LRRC47: variants seen among roughly 807,000 people sequenced by gnomAD.
LRRC47 encodes leucine-rich repeat-containing protein 47.
Under a neutral mutation model 40.9 loss-of-function variants are expected in LRRC47, and 31 were observed. The observed-to-expected ratio is 0.76, with a 90% confidence interval of 0.57 to 1.02. LRRC47 has a LOEUF of 1.02. Among genes scored for constraint, LRRC47 ranks in the 50% least tolerant of loss-of-function variants. The probability of loss-of-function intolerance (pLI) is 0.00; values close to 1 mark genes in which losing one functional copy is unlikely to be tolerated. For synonymous variants in LRRC47, 427 were observed against 371.9 expected (o/e 1.15, Z -1.70); for missense variants, 726 against 796.1 (o/e 0.91, Z 1.06).
chr1:3,782,930 G>A (rs1643535128), intron 4 of LRRC47, 167 bp from the exon 5 acceptor site: 2 of 607,910 alleles, frequency 3.3e-6, no homozygotes, highest in Admixed American at 2.6e-5. Flanking sequence ...TCTACGCTAA[G>A]TCTGTCATCA....
At position 3,785,162 on chromosome 1, in the gene LRRC47, G is replaced by A. The variant is rs1338079841; in HGVS notation, c.1119C>T (p.Ala373=). 2 of 1,596,506 alleles carry A rather than the reference G, an allele frequency of 1.3e-6. No individual in the cohort carries two copies. The highest frequency in any genetic ancestry group is 2.3e-5 in the East Asian group (1 of 43,464). ...CACGGAGCTCGTGGGTGGCAAGGGT[G>A]GCAGCCGTCCTCTTCTCACAGAGAT... The part of the protein sequence containing the change: ...HEDLCEKRTA[A]TLATHELRAV... Residue 373 remains alanine (A), a synonymous_variant, in exon 3 of 7, where the codon GCC becomes GCT. Coordinates refer to ENST00000378251, the MANE Select transcript of LRRC47 (RefSeq NM_020710.3).
intron 1 of LRRC47, among the ~76,000 whole-genome samples, chr1:3,789,194 T>C (rs1255543920): frequency 6.6e-6 from 1 of 152,244 alleles, no homozygotes; most frequent in East Asian, 1.9e-4. Flanking sequence ...CTCAGCCTTC[T>C]AGAGCTCCTC....
intron 4 of LRRC47, 134 bp from the exon 5 acceptor site, chr1:3,782,897 G>C: frequency 6.0e-6 from 4 of 662,242 alleles, no homozygotes; most frequent in Non-Finnish European, 1.1e-5. Context: ...GAGTTGGCTG[G>C]GGTGTGCTGT....
chr1:3,788,489 G>A (rs1297323751), intron 1 of LRRC47, among the ~76,000 whole-genome samples: 1 of 152,174 alleles, frequency 6.6e-6, no homozygotes, highest in Non-Finnish European at 1.5e-5. Context: ...GGTAGGGCTG[G>A]ACTTGATAGA....
intron 1 of LRRC47, among the ~76,000 whole-genome samples, chr1:3,791,990 G>C (rs928002843): frequency 6.6e-6 from 1 of 152,164 alleles, no homozygotes; most frequent in Admixed American, 6.5e-5. Flanking sequence ...CTGGGCTCAA[G>C]TGATCCGCCC....
chr1:3,789,533 G>C (rs1643608322), intron 1 of LRRC47, among the ~76,000 whole-genome samples: 1 of 152,236 alleles, frequency 6.6e-6, no homozygotes, highest in Non-Finnish European at 1.5e-5. Flanking sequence ...GCCCAGAGCA[G>C]CCACAGCCAG....
At chr1:3,784,419 A>G (rs1191666008) in intron 3 of LRRC47, among the ~76,000 whole-genome samples, 2 of 152,238 alleles carry the variant, frequency 1.3e-5, no homozygotes, top group Non-Finnish European at 2.9e-5. Flanking sequence ...GAGGAGAGAA[A>G]GGCTGAGCAG....
At position 3,796,020 on chromosome 1, in the gene LRRC47, G is replaced by C. The variant is rs1220987606; in HGVS notation, c.457C>G (p.Pro153Ala). Residue 153 changes from proline to alanine, a missense_variant, in exon 1 of 7, where the codon CCG becomes GCG. Physicochemically the swap from Pro to Ala is conservative, Grantham distance 27. Coordinates refer to ENST00000378251, the MANE Select transcript of LRRC47 (RefSeq NM_020710.3). Reference protein sequence around the residue: ...ELPADLARCAPRLQSLNLTGN... With the variant: ...ELPADLARCAARLQSLNLTGN... Reference sequence around the variant, plus strand: ...GTGAGGTTGAGGCTCTGCAGGCGCGGGGCGCAGCGCGCCAGGTCGGCTGGC... The same window carrying C: ...GTGAGGTTGAGGCTCTGCAGGCGCGCGGCGCAGCGCGCCAGGTCGGCTGGC... The C allele has an allele frequency of 6.4e-7, 1 of 1,550,476 alleles. No homozygotes were observed. Among genetic ancestry groups the C allele is most frequent in the East Asian group, 2.4e-5 (1 of 41,206 alleles).
At chr1:3,787,959 A>G (rs983337676) in intron 1 of LRRC47, among the ~76,000 whole-genome samples, 20 of 152,338 alleles carry the variant, frequency 1.3e-4, no homozygotes, top group African/African-American at 4.3e-4. Flanking sequence ...CGTGTGCCAC[A>G]AAGATGCCCA....
At position 3,782,799 on chromosome 1, in the gene LRRC47, A is replaced by T. The variant is rs560993388; in HGVS notation, c.1311-36T>A. On this transcript the variant is annotated intron_variant, in intron 4 of 6. Transcript: ENST00000378251. Reference sequence around the variant, plus strand: ...AGAAATACAAATTCCAGGCATAATTATAAAAGAAACACTGTGCTGGGTGTG... The same window carrying T: ...AGAAATACAAATTCCAGGCATAATTTTAAAAGAAACACTGTGCTGGGTGTG... The T allele has an allele frequency of 8.6e-6, 11 of 1,276,832 alleles. No individual in the cohort carries two copies. In the East Asian group the frequency reaches 2.1e-4, roughly 24 times the overall value. 79.1% of individuals were successfully genotyped at this position (1,276,832 alleles called of 1,614,324 possible).
At chr1:3,791,239 C>T (rs1045377350) in intron 1 of LRRC47, among the ~76,000 whole-genome samples, 17 of 152,230 alleles carry the variant, frequency 1.1e-4, no homozygotes, top group African/African-American at 3.9e-4. Flanking sequence ...CAGCCCAGAG[C>T]GCAGAGCCGC....
chr1:3,795,249 C>T (rs138815966), intron 1 of LRRC47, among the ~76,000 whole-genome samples: 3 of 152,186 alleles, frequency 2.0e-5, no homozygotes, highest in Admixed American at 1.3e-4. Context: ...CTGTTATAGG[C>T]CAAGCATTAT....
At chr1:3,783,768 A>ACCT (rs1321086647) in intron 4 of LRRC47, 1 of 538,214 alleles carries the variant, frequency 1.9e-6, no homozygotes, top group African/African-American at 1.9e-5. Context: ...AATGGCCAAT[A>ACCT]CCTCCGCTCC....
At chr1:3,787,880 A>G (rs1167613320) in intron 1 of LRRC47, among the ~76,000 whole-genome samples, 1 of 152,234 alleles carries the variant, frequency 6.6e-6, no homozygotes, top group Non-Finnish European at 1.5e-5. Context: ...GGAAAGGGGA[A>G]AGCCGACTTC....
At chr1:3,791,988 A>C (rs57257868) in intron 1 of LRRC47, among the ~76,000 whole-genome samples, 3,228 of 152,268 alleles carry the variant, frequency 0.021, 73 homozygotes, top group East Asian at 0.11. Context: ...TCCTGGGCTC[A>C]AGTGATCCGC....
chr1:3,789,623 T>C (rs1439389544), intron 1 of LRRC47, among the ~76,000 whole-genome samples: 1 of 152,198 alleles, frequency 6.6e-6, no homozygotes, highest in Non-Finnish European at 1.5e-5. Context: ...AGGCAAAGAC[T>C]GTCAGAGAAA....
intron 1 of LRRC47, among the ~76,000 whole-genome samples, chr1:3,790,663 G>A (rs1030308294): frequency 1.3e-5 from 2 of 152,240 alleles, no homozygotes; most frequent in Admixed American, 6.5e-5. Context: ...CAGGACACTG[G>A]GGAAGCCAGG....
At chr1:3,786,742 C>T in intron 2 of LRRC47, 107 bp downstream of exon 2, 1 of 1,072,824 alleles carries the variant, frequency 9.3e-7, no homozygotes. Context: ...GGCTGGGCCC[C>T]ATACTCCACT....
chr1:3,781,290 C>A lies in LRRC47; in HGVS notation c.1550G>T (p.Gly517Val). The change falls in exon 7 of 7, where the codon GGA (glycine) becomes GTA (valine). Residue 517 changes from glycine (G) to valine (V), a missense_variant. Physicochemically the swap from Gly to Val is moderately radical, Grantham distance 109. Coordinates refer to ENST00000378251, the MANE Select transcript of LRRC47 (RefSeq NM_020710.3). ...ATCGGCTTCAGTATCTGAGAGTGAT[C>A]CTTCCTCTTTATTTTCTAAAGTGTA... is the stretch of plus-strand genomic sequence containing the variant. ...KKYTLENKEEGSLSDTEADAV... is the reference protein window; with the variant it reads ...KKYTLENKEEVSLSDTEADAV... 1.2e-6 allele frequency: 2 copies of A among 1,614,124 alleles called. No homozygotes were observed. Among genetic ancestry groups the A allele is most frequent in the South Asian group, 2.2e-5 (2 of 91,084 alleles).
Sources: allele counts gnomAD v4.1 joint callset (sites outside exome capture counted in the v4.1 genomes callset), GRCh38; gene constraint gnomAD v4.1.1; transcripts MANE v1.5; gene names NCBI Gene and HGNC (gene_info 2026-07-23, HGNC 2026-07-21).